RPTOR: variants seen among roughly 807,000 people sequenced by gnomAD.
RPTOR encodes regulatory-associated protein of mTOR.
In RPTOR, 21 loss-of-function variants were observed where a neutral mutation model predicts 169.9. The ratio of observed to expected loss-of-function variants is 0.12; its 90% CI spans 0.09 to 0.18. The LOEUF (loss-of-function observed/expected upper bound fraction) is 0.18. Among genes scored for constraint, RPTOR ranks in the 10% least tolerant of loss-of-function variants. The pLI is 1.00. For synonymous variants in RPTOR, 732 were observed against 753.2 expected (o/e 0.97, Z 0.46); for missense variants, 1,133 against 1,855.9 (o/e 0.61, Z 7.16).
rs9890949 is a variant in RPTOR, at chr17:80,889,989, G to A, written c.1984-1731G>A. Among the ~76,000 whole-genome samples the A allele has an allele frequency of 5.4e-3, 741 of 137,198 alleles. 33 individuals carry two copies. Among genetic ancestry groups the A allele is most frequent in the African/African-American group, 0.022 (659 of 30,016 alleles). 90.0% of individuals were successfully genotyped at this position (137,198 alleles called of 152,430 possible). A position where few individuals can be genotyped will look rare whatever the true frequency, so the allele number is the denominator to read the frequency against. ...GGCCCCCGTACACAGCAGGATGTGC[G>A]GCCTCCGAGGGAGGCCCCCGTACGC... On this transcript the variant is annotated intron_variant, in intron 17 of 33. Transcript: ENST00000306801.
chr17:80,742,830 A>C (rs368244389), intron 5 of RPTOR, among the ~76,000 whole-genome samples: 1 of 152,000 alleles, frequency 6.6e-6, no homozygotes, highest in Non-Finnish European at 1.5e-5. Flanking sequence ...ATGCCCACCT[A>C]TACATACATA....
At position 80,730,758 on chromosome 17, in the gene RPTOR, T is replaced by TTTTTTTTTTTGCGG; in HGVS notation, c.654+52_654+53insTTTTTTTTTTGCGG. ...GTGCTGGGTTTGGTTTTGTTTTCCC[T>TTTTTTTTTTTGCGG]GGGGGTGGGGTTTGGGTGGGGAGGT... is the stretch of plus-strand genomic sequence containing the variant. On this transcript the variant is annotated intron_variant, in intron 5 of 33. Coordinates refer to ENST00000306801, the MANE Select transcript of RPTOR (RefSeq NM_020761.3). The surrounding 1 kb of genome is among the most constrained non-coding windows in gnomAD (Gnocchi z 4.2). 2.1e-6 allele frequency: 1 copy of TTTTTTTTTTTGCGG among 467,250 alleles called. No homozygotes were observed. The allele number at this position is 467,250 out of a possible 1,614,324, so 28.9% of individuals were successfully genotyped here. A position where few individuals can be genotyped will look rare whatever the true frequency, so the allele number is the denominator to read the frequency against.
At chr17:80,748,924 G>A (rs11657006) in intron 5 of RPTOR, among the ~76,000 whole-genome samples, 4 of 17,072 alleles carry the variant, frequency 2.3e-4, no homozygotes, top group African/African-American at 2.7e-4. Context: ...TGGCGGGAGG[G>A]CCTGTTGGGT....
chr17:80,625,821 A>C (rs766921590), intron 2 of RPTOR, 28 bp downstream of exon 2: 2 of 1,517,354 alleles, frequency 1.3e-6, no homozygotes, highest in South Asian at 1.1e-5. Flanking sequence ...ACGCGCTGCC[A>C]CAAAGGCCGT....
At chr17:80,869,199 G>T (rs59453935) in intron 13 of RPTOR, among the ~76,000 whole-genome samples, 31,528 of 151,838 alleles carry the variant, frequency 0.21, 3,464 homozygotes, top group Non-Finnish European at 0.23. Context: ...TCACTCTGTC[G>T]CCCAGGCTGG....
chr17:80,713,129 C>T (rs907387333), intron 4 of RPTOR, among the ~76,000 whole-genome samples: 2 of 152,062 alleles, frequency 1.3e-5, no homozygotes, highest in East Asian at 1.9e-4. Flanking sequence ...AGTACAATGG[C>T]GTGATCTTGG....
intron 1 of RPTOR, among the ~76,000 whole-genome samples, chr17:80,561,263 G>GTATATATATA (rs1555713889): frequency 3.1e-4 from 6 of 19,634 alleles, no homozygotes; most frequent in African/African-American, 5.5e-4. Context: ...ATATATATAT[G>GTATATATATA]TATATATATA....
intron 20 of RPTOR, among the ~76,000 whole-genome samples, chr17:80,895,202 C>T (rs886870632): frequency 1.3e-5 from 2 of 152,198 alleles, no homozygotes; most frequent in Admixed American, 6.5e-5. Context: ...TGCTGGGCCC[C>T]AGCCTACCCG....
At position 80,703,406 on chromosome 17, in the gene RPTOR, C is replaced by A. The variant is rs138146355; in HGVS notation, c.349-4435C>A. 5.0e-3 allele frequency among the ~76,000 whole-genome samples: 767 copies of A among 152,212 alleles called. 4 individuals are homozygous for A. Among genetic ancestry groups the A allele is most frequent in the South Asian group, 0.013 (62 of 4,810 alleles). On this transcript the variant is annotated intron_variant, in intron 3 of 33. Transcript: ENST00000306801. ...AAAAGAGGCTGGCAGGCGCTCACCC[C>A]ACCTGGACCCTAGACCCTGGAGAAG...
At chr17:80,667,178 G>GC (rs1598206109) in intron 3 of RPTOR, among the ~76,000 whole-genome samples, 1 of 152,174 alleles carries the variant, frequency 6.6e-6, no homozygotes, top group African/African-American at 2.4e-5. Context: ...ACAGCTTGTT[G>GC]CCCCCCAGGG....
At chr17:80,906,639 G>C (rs572512223) in intron 20 of RPTOR, among the ~76,000 whole-genome samples, 5 of 152,354 alleles carry the variant, frequency 3.3e-5, no homozygotes, top group African/African-American at 9.6e-5. Flanking sequence ...TTTGGTTGAA[G>C]GCTGTAAACT....
At chr17:80,628,610 T>C (rs1383894520) in intron 2 of RPTOR, among the ~76,000 whole-genome samples, 1 of 152,166 alleles carries the variant, frequency 6.6e-6, no homozygotes, top group Non-Finnish European at 1.5e-5. Flanking sequence ...ATTAGTTTTT[T>C]GTTTGTTTGT....
intron 3 of RPTOR, among the ~76,000 whole-genome samples, chr17:80,702,328 T>C (rs1248141861): frequency 1.3e-5 from 2 of 152,208 alleles, no homozygotes; most frequent in East Asian, 3.8e-4. Context: ...ATATATTTTC[T>C]TGCACCTTGA....
intron 17 of RPTOR, among the ~76,000 whole-genome samples, chr17:80,891,104 C>A (rs1242621899): frequency 6.6e-6 from 1 of 152,232 alleles, no homozygotes; most frequent in Non-Finnish European, 1.5e-5. Flanking sequence ...GTTCCTGTCA[C>A]AGCACTGAAC....
chr17:80,551,982 C>T (rs1318574803), intron 1 of RPTOR, among the ~76,000 whole-genome samples: 2 of 152,046 alleles, frequency 1.3e-5, no homozygotes, highest in Non-Finnish European at 2.9e-5. Context: ...CATCTTGCAC[C>T]GCCCTTAATC....
chr17:80,768,162 A>C (rs1338399696), intron 6 of RPTOR, among the ~76,000 whole-genome samples: 3 of 152,004 alleles, frequency 2.0e-5, no homozygotes, highest in African/African-American at 7.3e-5. Context: ...GCGCCTGACC[A>C]CGTGAATTTT....
intron 3 of RPTOR, among the ~76,000 whole-genome samples, chr17:80,687,400 C>T (rs1229196671): frequency 1.3e-5 from 2 of 152,240 alleles, no homozygotes; most frequent in Non-Finnish European, 2.9e-5. Flanking sequence ...GTCACTTGTC[C>T]ACAAGGAACC....
rs1206202206 is a variant in RPTOR, at chr17:80,837,979, G to A, written c.1194G>A (p.Glu398=). Residue 398 remains glutamate (E), a synonymous_variant, in exon 10 of 34, where the codon GAG becomes GAA. Coordinates refer to ENST00000306801, the MANE Select transcript of RPTOR (RefSeq NM_020761.3). ...TGTCTCAGCTGCCGACGATCATCGA[G>A]GAAGGCACTGCGTTTCGGGTGAGTC... The part of the protein sequence containing the change: ...ICLSQLPTII[E]EGTAFRHSPF... The A allele has an allele frequency of 6.2e-7, 1 of 1,611,270 alleles. No individual in the cohort carries two copies. The highest frequency in any genetic ancestry group is 1.7e-5 in the Admixed American group (1 of 59,792).
intron 7 of RPTOR, among the ~76,000 whole-genome samples, chr17:80,795,990 G>A (rs1421864375): frequency 6.6e-6 from 1 of 152,202 alleles, no homozygotes; most frequent in Non-Finnish European, 1.5e-5. Context: ...GCCATCAGCT[G>A]AGGCACCTAC....
Sources: allele counts gnomAD v4.1 joint callset (sites outside exome capture counted in the v4.1 genomes callset), GRCh38; gene constraint gnomAD v4.1.1; non-coding constraint Gnocchi (gnomAD v3.1); transcripts MANE v1.5; gene names NCBI Gene and HGNC (gene_info 2026-07-23, HGNC 2026-07-21).